LAMA2: variants seen among roughly 807,000 people sequenced by gnomAD.
LAMA2 encodes laminin subunit alpha-2.
A neutral mutation model predicts 364.8 loss-of-function variants in LAMA2; 269 were observed. That is an observed-to-expected ratio of 0.74 (90% CI 0.67 to 0.82). The LOEUF (loss-of-function observed/expected upper bound fraction) is 0.82, where lower values mean the gene tolerates loss of function less well. Ranked by LOEUF, LAMA2 falls within the 40% of genes least tolerant of loss-of-function variation. LAMA2 has a pLI of 0.00. For synonymous variants in LAMA2, 1,379 were observed against 1,370.6 expected (o/e 1.01, Z -0.14); for missense variants, 3,807 against 3,873.2 (o/e 0.98, Z 0.45).
chr6:129,348,808 CAT>C (rs1776702121), intron 30 of LAMA2, among the ~76,000 whole-genome samples: 1 of 152,038 alleles, frequency 6.6e-6, no homozygotes. Context: ...CCAAGTGAAA[CAT>C]GTATTCACAC....
intron 45 of LAMA2, among the ~76,000 whole-genome samples, chr6:129,448,147 G>GC (rs1782485011): frequency 6.6e-6 from 1 of 151,998 alleles, no homozygotes; most frequent in Non-Finnish European, 1.5e-5. Context: ...AATTACCTGG[G>GC]CATGGTACAT....
chr6:129,215,106 A>G (rs1032433356), intron 12 of LAMA2, among the ~76,000 whole-genome samples: 1 of 152,148 alleles, frequency 6.6e-6, no homozygotes, highest in Admixed American at 6.6e-5. Context: ...ATTGACTTTT[A>G]TACCACCTTT....
intron 4 of LAMA2, among the ~76,000 whole-genome samples, chr6:129,110,517 G>A (rs1207029210): frequency 1.3e-5 from 2 of 152,088 alleles, no homozygotes; most frequent in Admixed American, 1.3e-4. Context: ...ACTATTGTTT[G>A]TGTTATCAAT....
chr6:129,168,111 G>C (rs1779882339), intron 9 of LAMA2, among the ~76,000 whole-genome samples: 1 of 141,096 alleles, frequency 7.1e-6, no homozygotes, highest in African/African-American at 2.7e-5. Flanking sequence ...CCATTTTGTA[G>C]GTTGCCTGTT....
chr6:129,498,511 A>T (rs939233936), intron 58 of LAMA2, among the ~76,000 whole-genome samples: 2 of 152,246 alleles, frequency 1.3e-5, no homozygotes, highest in Non-Finnish European at 2.9e-5. Context: ...TGCAGTGTTA[A>T]CAATAATTCA....
chr6:129,296,294 T>A (rs1773174407), intron 20 of LAMA2, among the ~76,000 whole-genome samples: 1 of 152,024 alleles, frequency 6.6e-6, no homozygotes, highest in Non-Finnish European at 1.5e-5. Flanking sequence ...AAATTTTACA[T>A]GAATTTCTTT....
chr6:128,985,390 G>A (rs1391700614), intron 1 of LAMA2, among the ~76,000 whole-genome samples: 2 of 152,016 alleles, frequency 1.3e-5, no homozygotes, highest in Non-Finnish European at 2.9e-5. Flanking sequence ...TGGAATGTAA[G>A]GCAAAAATAG....
chr6:129,508,222 T>C (rs527614151), intron 62 of LAMA2, among the ~76,000 whole-genome samples: 1 of 92,788 alleles, frequency 1.1e-5, no homozygotes, highest in East Asian at 3.6e-4. Flanking sequence ...AATAATTTTT[T>C]AATCCTTTAA....
chr6:129,404,289 A>ACG (rs1266641756), intron 40 of LAMA2, among the ~76,000 whole-genome samples: 2 of 107,296 alleles, frequency 1.9e-5, no homozygotes, highest in African/African-American at 8.0e-5. Context: ...ATTAGTAAAA[A>ACG]AGAAAAAAAA....
At chr6:129,245,917 A>G (rs780377085) in intron 12 of LAMA2, among the ~76,000 whole-genome samples, 3 of 152,196 alleles carry the variant, frequency 2.0e-5, no homozygotes, top group Non-Finnish European at 4.4e-5. Flanking sequence ...AGACATACCC[A>G]GACATTCTCA....
chr6:129,314,614 T>G, intron 23 of LAMA2, 41 bp from the exon 24 acceptor site: 7 of 1,607,174 alleles, frequency 4.4e-6, no homozygotes, highest in Non-Finnish European at 5.1e-6. Context: ...CTCCCCTAAC[T>G]TTGCCGTTAT....
chr6:129,163,266 G>T (rs1779550245), intron 8 of LAMA2, among the ~76,000 whole-genome samples: 1 of 151,898 alleles, frequency 6.6e-6, no homozygotes, highest in Non-Finnish European at 1.5e-5. Context: ...CTTTAGATTG[G>T]ATCATTTCCA....
At chr6:129,220,239 C>G (rs991828127) in intron 12 of LAMA2, among the ~76,000 whole-genome samples, 1 of 152,104 alleles carries the variant, frequency 6.6e-6, no homozygotes, top group African/African-American at 2.4e-5. Flanking sequence ...AAATACATGA[C>G]TTAATATATT....
At chr6:128,965,979 G>GTTTTTTTT (rs11342050) in intron 1 of LAMA2, among the ~76,000 whole-genome samples, 1,894 of 112,718 alleles carry the variant, frequency 0.017, 56 homozygotes, top group Middle Eastern at 0.02. Context: ...TAAACCAGAG[G>GTTTTTTTT]TTTTTTTTTT....
chr6:129,491,858 A>G (rs370954736), intron 56 of LAMA2, 43 bp from the exon 57 acceptor site: 1 of 1,443,200 alleles, frequency 6.9e-7, no homozygotes, highest in Non-Finnish European at 9.7e-7. Context: ...ACTGTATTGA[A>G]TCAGATGTGA....
Position 129,049,940 on chromosome 6 carries a change from T to C in LAMA2, c.135T>C (p.Asn45=). Residue 45 remains asparagine (N), a synonymous_variant, in exon 2 of 65, where the codon AAT becomes AAC. Transcript: ENST00000421865. ...CAGGTTTATTCCCTGCTGTCCTGAA[T>C]CTTGCTTCTAATGCTCTTATCACGA... The part of the protein sequence containing the change: ...QQRGLFPAVL[N]LASNALITTN... 6.2e-7 allele frequency: 1 copy of C among 1,614,048 alleles called. No individual in the cohort carries two copies. Among genetic ancestry groups the C allele is most frequent in the Non-Finnish European group, 8.5e-7 (1 of 1,179,936 alleles).
chr6:129,360,916 G>A (rs553004183), intron 32 of LAMA2, among the ~76,000 whole-genome samples: 18 of 152,234 alleles, frequency 1.2e-4, no homozygotes, highest in African/African-American at 3.4e-4. Context: ...CTGAGAAAAC[G>A]ATAGGTACTT....
chr6:129,348,119 T>C (rs1776658714), intron 30 of LAMA2, among the ~76,000 whole-genome samples: 1 of 152,192 alleles, frequency 6.6e-6, no homozygotes, highest in South Asian at 2.1e-4. Context: ...GAGCTAAAAA[T>C]TTGGCAGAGT....
chr6:129,112,143 C>T (rs1776195069), intron 4 of LAMA2, among the ~76,000 whole-genome samples: 1 of 151,926 alleles, frequency 6.6e-6, no homozygotes. Context: ...CTACTCTCTT[C>T]AGGATAAACT....
Sources: gnomAD v4.1 joint callset for allele counts (sites outside exome capture counted in the v4.1 genomes callset) on GRCh38, gnomAD v4.1.1 for gene constraint, MANE v1.5 for transcripts, NCBI Gene and HGNC (gene_info 2026-07-23, HGNC 2026-07-21) for gene names.